Variants in ZFHX3 observed in about 807,000 individuals in gnomAD.
The protein encoded by ZFHX3 is zinc finger homeobox protein 3.
In ZFHX3, 42 loss-of-function variants were observed where a neutral mutation model predicts 279.1. That is an observed-to-expected ratio of 0.15 (90% CI 0.12 to 0.19). ZFHX3 has a LOEUF of 0.19. Ranked by LOEUF, ZFHX3 falls within the 10% of genes least tolerant of loss-of-function variation. The pLI, the probability that ZFHX3 is intolerant of heterozygous loss-of-function variation, is 1.00. For missense variants in ZFHX3, 4,981 were observed against 4,754.0 expected (o/e 1.05, Z -1.40); for synonymous variants, 2,293 against 1,957.8 (o/e 1.17, Z -4.52).
chr16:73,452,843 G>T (rs568010524), intron 3 of ZFHX3, among the ~76,000 whole-genome samples: 2 of 152,336 alleles, frequency 1.3e-5, no homozygotes, highest in African/African-American at 4.8e-5. Flanking sequence ...TCCAACCAAT[G>T]ATTACCATTT....
intron 4 of ZFHX3, among the ~76,000 whole-genome samples, chr16:72,842,349 T>C (rs1045703532): frequency 3.3e-5 from 5 of 152,116 alleles, no homozygotes; most frequent in Admixed American, 2.0e-4. Flanking sequence ...TCCCAAAGTG[T>C]TGGGATTAGA....
chr16:73,278,788 A>AT (rs2014378735), intron 4 of ZFHX3, among the ~76,000 whole-genome samples: 1 of 152,130 alleles, frequency 6.6e-6, no homozygotes, highest in Admixed American at 6.5e-5. Flanking sequence ...TGATTGGTGC[A>AT]TTTTACAATC....
chr16:73,882,073 A>T (rs2030185778), intron 1 of ZFHX3, among the ~76,000 whole-genome samples: 1 of 152,180 alleles, frequency 6.6e-6, no homozygotes, highest in Non-Finnish European at 1.5e-5. Flanking sequence ...GCTAAGTGCT[A>T]AGTGTAAAAC....
At chr16:73,887,589 G>T (rs539104786) in intron 1 of ZFHX3, among the ~76,000 whole-genome samples, 38 of 152,158 alleles carry the variant, frequency 2.5e-4, no homozygotes, top group Non-Finnish European at 4.9e-4. Flanking sequence ...CTTGTCAGAT[G>T]GAATGAAGTG....
intron 1 of ZFHX3, among the ~76,000 whole-genome samples, chr16:73,026,798 C>G (rs1964527925): frequency 6.6e-6 from 1 of 152,108 alleles, no homozygotes; most frequent in African/African-American, 2.4e-5. Flanking sequence ...CCAGCACACC[C>G]TGGAATCGCT....
intron 1 of ZFHX3, among the ~76,000 whole-genome samples, chr16:73,849,040 G>T (rs1961525725): frequency 2.0e-5 from 3 of 152,186 alleles, no homozygotes; most frequent in Admixed American, 2.0e-4. Flanking sequence ...GTTAACAACT[G>T]CTGGATGTAC....
At chr16:73,508,805 G>A (rs150474026) in intron 2 of ZFHX3, among the ~76,000 whole-genome samples, 248 of 152,312 alleles carry the variant, frequency 1.6e-3, no homozygotes, top group African/African-American at 5.6e-3. Context: ...AATAGAAGCA[G>A]TGTGTCCTTC....
chr16:73,348,325 C>T (rs16971763), intron 3 of ZFHX3, among the ~76,000 whole-genome samples: 8,771 of 152,212 alleles, frequency 0.058, 549 homozygotes, highest in East Asian at 0.31. Flanking sequence ...GGAGCAGCTC[C>T]GTTAAGTCTC....
chr16:72,855,431 C>T (rs1392866445), intron 4 of ZFHX3, among the ~76,000 whole-genome samples: 1 of 152,188 alleles, frequency 6.6e-6, no homozygotes, highest in Admixed American at 6.5e-5. Context: ...AAGGGCAGGC[C>T]ACTAAGGAAG....
chr16:73,154,759 T>G (rs1488678868), intron 5 of ZFHX3, among the ~76,000 whole-genome samples: 1 of 152,148 alleles, frequency 6.6e-6, no homozygotes. Context: ...AAGAGCTTCA[T>G]ACTACTAAAG....
intron 1 of ZFHX3, among the ~76,000 whole-genome samples, chr16:73,690,682 A>T (rs1211286338): frequency 6.6e-6 from 1 of 152,208 alleles, no homozygotes; most frequent in Non-Finnish European, 1.5e-5. Context: ...CTTGAAAATA[A>T]ATTGTGCATT....
At chr16:73,810,827 G>C (rs148050139) in intron 1 of ZFHX3, among the ~76,000 whole-genome samples, 21 of 152,246 alleles carry the variant, frequency 1.4e-4, no homozygotes, top group African/African-American at 4.6e-4. Context: ...ATCTGTAAAA[G>C]GGGTTAGTTA....
Position 73,096,169 on chromosome 16 carries a change from C to T in ZFHX3, c.-896-2571G>A, listed in dbSNP as rs112374299. Among the ~76,000 whole-genome samples the T allele has an allele frequency of 4.6e-3, 706 of 152,164 alleles. 6 individuals carry two copies. The highest frequency in any genetic ancestry group is 0.01 in the Middle Eastern group (3 of 294). On this transcript the variant is annotated intron_variant, in intron 7 of 17. Coordinates refer to the ZFHX3 transcript ENST00000641206. ...GGACCTGGAAACTCTTTACTGCCTGCCTGCCTGCCTGCTCCGGCTGCCTGC... is the reference window on the plus strand; with the variant it reads ...GGACCTGGAAACTCTTTACTGCCTGTCTGCCTGCCTGCTCCGGCTGCCTGC...
intron 1 of ZFHX3, among the ~76,000 whole-genome samples, chr16:73,004,859 T>A (rs531716417): frequency 6.6e-6 from 1 of 152,240 alleles, no homozygotes; most frequent in Non-Finnish European, 1.5e-5. Context: ...TATTTTCTTC[T>A]AGCTCTTTTG....
intron 4 of ZFHX3, among the ~76,000 whole-genome samples, chr16:73,260,446 C>A (rs533612298): frequency 6.6e-6 from 1 of 152,106 alleles, no homozygotes; most frequent in East Asian, 1.9e-4. Flanking sequence ...TTTTGATGCA[C>A]GCTTGGCCAG....
intron 2 of ZFHX3, among the ~76,000 whole-genome samples, chr16:73,544,930 G>GGT (rs2020083908): frequency 1.3e-5 from 2 of 152,176 alleles, no homozygotes; most frequent in African/African-American, 4.8e-5. Context: ...CCAAGTCAAT[G>GGT]GGGGAGGACG....
At chr16:73,469,571 C>T (rs1349175241) in intron 2 of ZFHX3, among the ~76,000 whole-genome samples, 1 of 152,024 alleles carries the variant, frequency 6.6e-6, no homozygotes, top group Admixed American at 6.5e-5. Flanking sequence ...ATTGAAATCA[C>T]CTGGGTCTTT....
At chr16:72,901,687 G>C in intron 3 of ZFHX3, among the ~76,000 whole-genome samples, 1 of 152,156 alleles carries the variant, frequency 6.6e-6, no homozygotes, top group Non-Finnish European at 1.5e-5. Context: ...CTTGTCGGAG[G>C]GAAGCAAGGG....
At chr16:73,691,297 C>T (rs534667343) in intron 1 of ZFHX3, among the ~76,000 whole-genome samples, 11 of 151,938 alleles carry the variant, frequency 7.2e-5, no homozygotes, top group East Asian at 5.8e-4. Context: ...TCCTCTACAA[C>T]GGAATAAAAA....
Sources: gnomAD v4.1 joint callset for allele counts (sites outside exome capture counted in the v4.1 genomes callset) on GRCh38, gnomAD v4.1.1 for gene constraint, MANE v1.5 for transcripts, NCBI Gene and HGNC (gene_info 2026-07-23, HGNC 2026-07-21) for gene names.